Variants in ZNF804B observed in about 807,000 individuals in gnomAD.
ZNF804B encodes zinc finger protein 804B.
Under a neutral mutation model 101.4 loss-of-function variants are expected in ZNF804B, and 80 were observed. The ratio of observed to expected loss-of-function variants is 0.79; its 90% CI spans 0.66 to 0.95. The LOEUF (loss-of-function observed/expected upper bound fraction) is 0.95. Ranked by LOEUF, ZNF804B falls within the 40% of genes least tolerant of loss-of-function variation. The pLI is 0.00. For synonymous variants in ZNF804B, 622 were observed against 558.8 expected, an observed-to-expected ratio of 1.11 and a Z score of -1.59; for missense variants, 1,673 against 1,561.9, an observed-to-expected ratio of 1.07 and a Z score of -1.20.
intron 1 of ZNF804B, among the ~76,000 whole-genome samples, chr7:89,099,283 T>C (rs1006297325): frequency 2.0e-5 from 3 of 151,960 alleles, no homozygotes; most frequent in African/African-American, 7.2e-5. Flanking sequence ...AGCTCTTTCT[T>C]TGAAAGGATG....
At chr7:88,782,764 T>A (rs1790249173) in intron 1 of ZNF804B, among the ~76,000 whole-genome samples, 1 of 152,170 alleles carries the variant, frequency 6.6e-6, no homozygotes. Context: ...TGAGTAGAAC[T>A]TGCTTAGCTA....
intron 2 of ZNF804B, among the ~76,000 whole-genome samples, chr7:89,326,191 C>T (rs1371440091): frequency 6.6e-6 from 1 of 152,000 alleles, no homozygotes; most frequent in Non-Finnish European, 1.5e-5. Context: ...GTTGAGTCCA[C>T]TGTTCTCCCT....
intron 1 of ZNF804B, among the ~76,000 whole-genome samples, chr7:88,948,639 T>C (rs777397638): frequency 1.3e-4 from 19 of 151,878 alleles, no homozygotes; most frequent in Middle Eastern, 3.2e-3. Context: ...CCTGCCTAAA[T>C]AGACCTCTTG....
At chr7:89,183,410 G>T (rs370582687) in intron 1 of ZNF804B, among the ~76,000 whole-genome samples, 1 of 151,960 alleles carries the variant, frequency 6.6e-6, no homozygotes, top group Non-Finnish European at 1.5e-5. Context: ...TCCTAAAAAC[G>T]CCAAAGAAGT....
chr7:89,205,564 G>A (rs1788703368), intron 1 of ZNF804B, among the ~76,000 whole-genome samples: 1 of 152,164 alleles, frequency 6.6e-6, no homozygotes, highest in African/African-American at 2.4e-5. Context: ...ATCCAGTGGG[G>A]CTGTCAAATC....
intron 1 of ZNF804B, among the ~76,000 whole-genome samples, chr7:89,216,909 T>A (rs1584060960): frequency 6.6e-6 from 1 of 152,348 alleles, no homozygotes; most frequent in East Asian, 1.9e-4. Flanking sequence ...CATATTTACT[T>A]GGTATTCTCA....
chr7:89,025,507 T>C (rs1319920080), intron 1 of ZNF804B, among the ~76,000 whole-genome samples: 2 of 152,110 alleles, frequency 1.3e-5, no homozygotes, highest in Non-Finnish European at 2.9e-5. Flanking sequence ...CCCAGTGTTA[T>C]TTAGAACAAA....
At chr7:88,877,029 ATAT>A (rs1791957575) in intron 1 of ZNF804B, among the ~76,000 whole-genome samples, 1 of 35,906 alleles carries the variant, frequency 2.8e-5, no homozygotes, top group African/African-American at 1.5e-4. Context: ...TATATATAAT[ATAT>A]ATATATATAT....
At chr7:89,262,832 G>A (rs749828146) in intron 2 of ZNF804B, among the ~76,000 whole-genome samples, 3 of 152,038 alleles carry the variant, frequency 2.0e-5, no homozygotes, top group Non-Finnish European at 4.4e-5. Flanking sequence ...TCTTATATAG[G>A]TATAATATCT....
intron 1 of ZNF804B, among the ~76,000 whole-genome samples, chr7:89,172,120 A>G (rs1562904919): frequency 6.6e-6 from 1 of 152,162 alleles, no homozygotes; most frequent in Non-Finnish European, 1.5e-5. Context: ...AGACAAAGGA[A>G]GGAAGCATAA....
Position 89,035,551 on chromosome 7 carries a change from C to T in ZNF804B, c.109-182604C>T, listed in dbSNP as rs138325514. On this transcript the variant is annotated intron_variant, in intron 1 of 3. Coordinates refer to ENST00000333190, the MANE Select transcript of ZNF804B (RefSeq NM_181646.5). ...GACATAAATCTTCAGAATTAAAGCC[C>T]GGAAGCAAAGTGTATGTTCCAGTGA... Among the ~76,000 whole-genome samples the T allele has an allele frequency of 1.1e-4, 16 of 151,936 alleles. No individual in the cohort carries two copies. The East Asian group carries it at 1.7e-3, about 17-fold the overall frequency.
intron 1 of ZNF804B, among the ~76,000 whole-genome samples, chr7:88,830,276 C>G (rs1397833994): frequency 6.6e-6 from 1 of 151,784 alleles, no homozygotes; most frequent in Admixed American, 6.6e-5. Flanking sequence ...CAAAGCAGTC[C>G]ATAACAAAAA....
intron 1 of ZNF804B, among the ~76,000 whole-genome samples, chr7:88,990,213 C>T (rs926914018): frequency 8.6e-5 from 13 of 151,922 alleles, no homozygotes; most frequent in African/African-American, 2.9e-4. Flanking sequence ...AGACTATCTA[C>T]TGTAGAAATA....
chr7:89,200,995 A>G (rs1003949947), intron 1 of ZNF804B, among the ~76,000 whole-genome samples: 1 of 152,030 alleles, frequency 6.6e-6, no homozygotes, highest in Non-Finnish European at 1.5e-5. Context: ...TCAGGCATGC[A>G]ACTAATGAAG....
chr7:89,331,957 A>G (rs1298349142), intron 3 of ZNF804B, among the ~76,000 whole-genome samples: 7 of 151,488 alleles, frequency 4.6e-5, no homozygotes, highest in South Asian at 2.1e-4. Flanking sequence ...ACCCAAATTA[A>G]TCAACCTTAA....
intron 1 of ZNF804B, among the ~76,000 whole-genome samples, chr7:88,979,481 A>G (rs1410679380): frequency 1.3e-5 from 2 of 151,868 alleles, no homozygotes; most frequent in East Asian, 1.9e-4. Context: ...CCCCTTTGGC[A>G]CTTTAAACAT....
chr7:89,303,060 G>A (rs1295908351), intron 2 of ZNF804B, among the ~76,000 whole-genome samples: 1 of 151,874 alleles, frequency 6.6e-6, no homozygotes, highest in Non-Finnish European at 1.5e-5. Flanking sequence ...CCAAAGTGTA[G>A]TAAGTATCAA....
chr7:88,804,420 T>C (rs1294960052), intron 1 of ZNF804B, among the ~76,000 whole-genome samples: 1 of 152,128 alleles, frequency 6.6e-6, no homozygotes, highest in Non-Finnish European at 1.5e-5. Flanking sequence ...TACCTTAAGA[T>C]TGTCAGCTTC....
chr7:88,865,057 C>T (rs573777060), intron 1 of ZNF804B, among the ~76,000 whole-genome samples: 21 of 151,384 alleles, frequency 1.4e-4, no homozygotes, highest in Admixed American at 4.0e-4. Context: ...AGAGAAACCC[C>T]GTCTCTACTA....
Sources: allele counts gnomAD v4.1 joint callset (sites outside exome capture counted in the v4.1 genomes callset), GRCh38; gene constraint gnomAD v4.1.1; transcripts MANE v1.5; gene names NCBI Gene and HGNC (gene_info 2026-07-23, HGNC 2026-07-21).